The following ISY1 variants were observed in gnomAD, a reference collection of about 807,000 sequenced individuals.
ISY1 encodes the protein pre-mRNA-splicing factor ISY1 homolog.
Under a neutral mutation model 54.4 loss-of-function variants are expected in ISY1, and 12 were observed. The ratio of observed to expected loss-of-function variants is 0.22; its 90% confidence interval spans 0.14 to 0.36. ISY1 has a LOEUF of 0.36. ISY1 is among the 10% of genes least tolerant of loss of function. The pLI, the probability that ISY1 is intolerant of heterozygous loss-of-function variation, is 1.00. For synonymous variants in ISY1, 96 were observed against 117.9 expected (o/e 0.81, Z 1.20); for missense variants, 282 against 342.2 (o/e 0.82, Z 1.39).
intron 6 of ISY1, among the ~76,000 whole-genome samples, chr3:129,141,781 A>C (rs1445726142): frequency 6.6e-6 from 1 of 151,754 alleles, no homozygotes; most frequent in African/African-American, 2.4e-5. Context: ...TAATTAAAAA[A>C]TAAATAAATA....
chr3:129,149,624 T>A (rs1576886208), intron 5 of ISY1, among the ~76,000 whole-genome samples: 5 of 89,208 alleles, frequency 5.6e-5, no homozygotes, highest in African/African-American at 2.2e-4. Context: ...TATATATATA[T>A]ATATATATAT....
At chr3:129,137,780 C>T (rs375215726) in intron 7 of ISY1, among the ~76,000 whole-genome samples, 286 of 150,018 alleles carry the variant, frequency 1.9e-3, no homozygotes, top group African/African-American at 6.7e-3. Context: ...GGCGTGGTGG[C>T]GGTCACCTAT....
rs1281591664 is a variant in ISY1 at position 129,129,063 on chromosome 3, G to C, written c.*1018C>G. On this transcript the variant is annotated 3_prime_UTR_variant, in exon 11 of 11. Transcript: ENST00000393295. ...ATCTGGTCCTGTCTTTGCCACACTT[G>C]GGGCTGGGGCTTCAGGGACTCCCCT... 6.6e-6 allele frequency: 1 copy of C among 152,282 alleles called. No individual in the cohort carries two copies. The highest frequency in any genetic ancestry group is 1.5e-5 in the Non-Finnish European group (1 of 68,144). The allele number at this position is 152,282 out of a possible 1,614,324, so 9.4% of individuals were successfully genotyped here. A position where few individuals can be genotyped will look rare whatever the true frequency, so the allele number is the denominator to read the frequency against.
intron 7 of ISY1, among the ~76,000 whole-genome samples, chr3:129,136,080 G>C (rs1936388968): frequency 6.6e-6 from 1 of 151,322 alleles, no homozygotes; most frequent in South Asian, 2.1e-4. Flanking sequence ...TTTCAGACTA[G>C]GACTACAATC....
chr3:129,154,114 C>T (rs143108817), intron 5 of ISY1, among the ~76,000 whole-genome samples: 5,219 of 151,872 alleles, frequency 0.034, 207 homozygotes, highest in East Asian at 0.11. Flanking sequence ...AGGGGGTGGG[C>T]GCCTGTAGTC....
At chr3:129,137,213 A>T (rs1353958353) in intron 7 of ISY1, 5 of 984,390 alleles carry the variant, frequency 5.1e-6, no homozygotes, top group Middle Eastern at 2.8e-4. Context: ...AAATAAAAAA[A>T]TTTTTAAGGC....
chr3:129,159,864 C>T (rs186295629), intron 1 of ISY1, among the ~76,000 whole-genome samples: 4 of 152,280 alleles, frequency 2.6e-5, no homozygotes, highest in Middle Eastern at 3.4e-3. Context: ...GACAAATACA[C>T]CAGGCATGCA....
At position 129,156,651 on chromosome 3, in the gene ISY1, C is replaced by T. The variant is rs1334506775; in HGVS notation, c.169G>A (p.Val57Met). ...RQIIGEISKK[V>M]AQIQNAGLGE... ...TGCTTACCATTCTGAATCTGAGCCA[C>T]TTTTTTAGAGATCTCTCCAATGATC... Residue 57 changes from valine (V) to methionine (M), a missense_variant, in exon 5 of 11, where the codon GTG (valine) becomes ATG (methionine). Physicochemically the swap from Val to Met is conservative, Grantham distance 21. Around this residue, in one of 2 missense-constraint regions of ISY1, gnomAD observed 279 missense variants for 323.6 expected, o/e 0.86. Coordinates refer to ENST00000393295, the MANE Select transcript of ISY1 (RefSeq NM_020701.4). The T allele has an allele frequency of 6.2e-7, 1 of 1,611,614 alleles. No individual in the cohort carries two copies. The highest frequency in any genetic ancestry group is 8.5e-7 in the Non-Finnish European group (1 of 1,179,068).
At chr3:129,160,536 C>A (rs1937275783) in intron 1 of ISY1, among the ~76,000 whole-genome samples, 1 of 152,006 alleles carries the variant, frequency 6.6e-6, no homozygotes, top group African/African-American at 2.4e-5. Context: ...AAGGAAAAGA[C>A]CCTACCCTCG....
At chr3:129,156,264 T>C (rs1297830662) in intron 5 of ISY1, among the ~76,000 whole-genome samples, 2 of 151,710 alleles carry the variant, frequency 1.3e-5, no homozygotes, top group Admixed American at 6.6e-5. Flanking sequence ...CCGGGCGTGG[T>C]TGTGGGCACC....
chr3:129,160,487 C>T (rs1937272874), intron 1 of ISY1, among the ~76,000 whole-genome samples: 1 of 151,792 alleles, frequency 6.6e-6, no homozygotes, highest in Admixed American at 6.6e-5. Context: ...AGTTATTGAA[C>T]ATCTGCAACG....
intron 5 of ISY1, among the ~76,000 whole-genome samples, chr3:129,153,417 T>C (rs1937035301): frequency 6.6e-6 from 1 of 152,212 alleles, no homozygotes; most frequent in Non-Finnish European, 1.5e-5. Context: ...GATAATTATT[T>C]GTAGGAGGCT....
At chr3:129,133,956 GGTGAGCAAGCTGGGCT>G in intron 9 of ISY1, 102 bp downstream of exon 9, 2 of 1,522,486 alleles carry the variant, frequency 1.3e-6, no homozygotes, top group Non-Finnish European at 1.8e-6. Flanking sequence ...CCATCCTGCA[GGTGAGCAAGCTGGGCT>G]GTGAACCCTG....
chr3:129,137,198 T>TA, intron 7 of ISY1: 2 of 971,796 alleles, frequency 2.1e-6, no homozygotes, highest in Non-Finnish European at 2.5e-6. Context: ...GCACCTGGCC[T>TA]AAAAAAATAA....
chr3:129,136,155 G>A (rs2107602845), intron 7 of ISY1, among the ~76,000 whole-genome samples: 1 of 151,714 alleles, frequency 6.6e-6, no homozygotes. Context: ...AGGCTGGAGT[G>A]CAATGGCATG....
intron 7 of ISY1, among the ~76,000 whole-genome samples, chr3:129,137,834 C>A (rs373200397): frequency 1.4e-4 from 20 of 147,244 alleles, no homozygotes; most frequent in African/African-American, 4.8e-4. Flanking sequence ...ATGGCGTAAA[C>A]CCGGGAGGCA....
intron 4 of ISY1, 89 bp downstream of exon 4, chr3:129,156,766 T>C: frequency 1.3e-5 from 21 of 1,565,264 alleles, no homozygotes; most frequent in Non-Finnish European, 1.6e-5. Context: ...TTAAAAATAC[T>C]TAGACTTTTG....
chr3:129,159,252 A>G, intron 1 of ISY1, 76 bp from the exon 2 acceptor site: 1 of 1,560,998 alleles, frequency 6.4e-7, no homozygotes, highest in Non-Finnish European at 8.6e-7. Context: ...TTTTTAGTGA[A>G]AAGTTTTACA....
chr3:129,146,149 C>T (rs551498666), intron 5 of ISY1, among the ~76,000 whole-genome samples: 161 of 152,180 alleles, frequency 1.1e-3, no homozygotes, highest in African/African-American at 3.7e-3. Flanking sequence ...CTGAAACAAC[C>T]CAGCAGTTCC....
Sources: allele counts gnomAD v4.1 joint callset (sites outside exome capture counted in the v4.1 genomes callset), GRCh38; gene constraint gnomAD v4.1.1; regional missense constraint gnomAD v4.1.1; transcripts MANE v1.5; gene names NCBI Gene and HGNC (gene_info 2026-07-23, HGNC 2026-07-21).